Variants in GREB1L observed in about 807,000 individuals in gnomAD.
GREB1L encodes the protein GREB1 like retinoic acid receptor coactivator.
In GREB1L, 17 loss-of-function variants were observed where a neutral mutation model predicts 200.8. That is an observed-to-expected ratio of 0.08 (90% confidence interval 0.06 to 0.13). The LOEUF (loss-of-function observed/expected upper bound fraction) is 0.13. Ranked by LOEUF, GREB1L falls within the 10% of genes least tolerant of loss-of-function variation. GREB1L has a pLI of 1.00. For synonymous variants in GREB1L, 789 were observed against 893.0 expected (o/e 0.88, Z 2.08); for missense variants, 1,657 against 2,367.7 (o/e 0.70, Z 6.23).
At chr18:21,271,166 A>G (rs1306725032) in intron 1 of GREB1L, among the ~76,000 whole-genome samples, 1 of 152,248 alleles carries the variant, frequency 6.6e-6, no homozygotes, top group African/African-American at 2.4e-5. Flanking sequence ...AGTATATAAC[A>G]GACCTTTATA....
intron 1 of GREB1L, among the ~76,000 whole-genome samples, chr18:21,253,322 G>A (rs996260541): frequency 1.4e-5 from 2 of 146,232 alleles, no homozygotes; most frequent in Admixed American, 7.1e-5. Flanking sequence ...GCACGATCTC[G>A]GTTCACCGCA....
chr18:21,485,464 C>T (rs2036090386), intron 17 of GREB1L, 156 bp from the exon 18 acceptor site: 1 of 565,444 alleles, frequency 1.8e-6, no homozygotes, highest in Non-Finnish European at 3.0e-6. Flanking sequence ...GAGATGACTG[C>T]AGAGTTGGTG....
In GREB1L at chr18:21,520,701, A is replaced by G. The variant is rs769118539; in HGVS notation, c.5486A>G (p.Tyr1829Cys). The G allele has an allele frequency of 6.4e-6, 10 of 1,551,534 alleles. No individual in the cohort carries two copies. The highest frequency in any genetic ancestry group is 4.9e-5 in the East Asian group (2 of 40,932). The change falls in exon 32 of 33, where the codon TAT becomes TGT. Residue 1829 changes from tyrosine to cysteine, a missense_variant. Coordinates refer to ENST00000424526, the MANE Select transcript of GREB1L (RefSeq NM_001142966.3). ...TGATGATTTCAGGTGGCCATATGCT[A>G]TATCAGCTCCAGACCCCACTCCAGC... ...LNIGPEVAIC[Y>C]ISSRPHSSNV...
intron 2 of GREB1L, among the ~76,000 whole-genome samples, chr18:21,382,258 T>C (rs1202189469): frequency 6.6e-6 from 1 of 151,900 alleles, no homozygotes; most frequent in African/African-American, 2.4e-5. Flanking sequence ...GGAGAGTTGC[T>C]TGAACCTGGG....
intron 19 of GREB1L, among the ~76,000 whole-genome samples, chr18:21,494,789 T>G (rs2036482571): frequency 1.3e-5 from 2 of 152,224 alleles, no homozygotes; most frequent in South Asian, 4.1e-4. Context: ...CCACCTTATC[T>G]ACTTAAGAGA....
At chr18:21,483,361 A>C (rs1320080367) in intron 17 of GREB1L, among the ~76,000 whole-genome samples, 22 of 152,312 alleles carry the variant, frequency 1.4e-4, no homozygotes, top group Non-Finnish European at 1.5e-5. Context: ...ATAAGGAGGG[A>C]AACTTAGATG....
chr18:21,492,336 ACT>A (rs2145869980), intron 19 of GREB1L, among the ~76,000 whole-genome samples: 1 of 151,470 alleles, frequency 6.6e-6, no homozygotes, highest in South Asian at 2.1e-4. Context: ...ACAGAGCAAG[ACT>A]CTGTCTCAAA....
At position 21,381,765 on chromosome 18, in the gene GREB1L, T is replaced by C. The variant is rs1478414954; in HGVS notation, c.-9-1745T>C. ...AGCTGACCCATTTCTAGCCAGAGAT[T>C]CAAGGAAAAGTTTGCTGGGAAGAGG... On this transcript the variant is annotated intron_variant, in intron 2 of 32. Transcript: ENST00000424526. 3.3e-5 allele frequency among the ~76,000 whole-genome samples: 5 copies of C among 152,300 alleles called. No homozygotes were observed. The East Asian group carries it at 9.6e-4, about 29-fold the overall frequency.
chr18:21,442,683 C>T (rs1354276970), intron 10 of GREB1L, among the ~76,000 whole-genome samples: 1 of 151,848 alleles, frequency 6.6e-6, no homozygotes, highest in African/African-American at 2.4e-5. Flanking sequence ...TTTAGGAAGA[C>T]AACCTCACAA....
intron 2 of GREB1L, among the ~76,000 whole-genome samples, chr18:21,374,132 G>T (rs570541694): frequency 1.3e-5 from 2 of 152,182 alleles, no homozygotes; most frequent in East Asian, 3.9e-4. Flanking sequence ...CTCCTGAGTA[G>T]CTGGGACCGC....
chr18:21,347,615 C>T (rs1477636840), intron 1 of GREB1L, among the ~76,000 whole-genome samples: 2 of 150,464 alleles, frequency 1.3e-5, no homozygotes, highest in African/African-American at 4.9e-5. Context: ...GCCACCATGC[C>T]TGGTTAATTT....
intron 4 of GREB1L, among the ~76,000 whole-genome samples, chr18:21,393,028 T>C (rs1371145984): frequency 6.6e-6 from 1 of 152,176 alleles, no homozygotes; most frequent in East Asian, 1.9e-4. Context: ...CTCTTTGGCC[T>C]CCCAAAGTGC....
At chr18:21,420,042 C>T (rs1216453670) in intron 7 of GREB1L, among the ~76,000 whole-genome samples, 1 of 152,072 alleles carries the variant, frequency 6.6e-6, no homozygotes, top group African/African-American at 2.4e-5. Context: ...AATTGGACTT[C>T]ATTAAATTAA....
intron 1 of GREB1L, among the ~76,000 whole-genome samples, chr18:21,323,691 A>G (rs2038983280): frequency 6.6e-6 from 1 of 152,046 alleles, no homozygotes. Context: ...CTATGATACC[A>G]CCTATACATT....
chr18:21,367,480 G>A (rs1408333824), intron 2 of GREB1L, among the ~76,000 whole-genome samples: 4 of 152,134 alleles, frequency 2.6e-5, no homozygotes, highest in Non-Finnish European at 5.9e-5. Context: ...GAGGGAGGGT[G>A]GACGGGGAGA....
At chr18:21,469,714 A>G (rs2035406741) in intron 15 of GREB1L, among the ~76,000 whole-genome samples, 1 of 152,192 alleles carries the variant, frequency 6.6e-6, no homozygotes. Flanking sequence ...CTACCTATCT[A>G]TGTTTAAAAA....
In GREB1L at chr18:21,401,181, A is replaced by G. The variant is rs1367567823; in HGVS notation, c.564A>G (p.Glu188=). The G allele has an allele frequency of 6.4e-7, 1 of 1,551,660 alleles. No individual in the cohort carries two copies. Among genetic ancestry groups the G allele is most frequent in the East Asian group, 2.4e-5 (1 of 40,908 alleles). The change falls in exon 6 of 33, where the codon GAA becomes GAG. Residue 188 remains glutamate, a synonymous_variant. Coordinates refer to ENST00000424526, the MANE Select transcript of GREB1L (RefSeq NM_001142966.3). ...GFSGNCIGCG[E]RGFRYFTEFS... ...CTGGAAATTGTATCGGCTGTGGAGA[A>G]AGAGGATTTCGATATTTCACGGAAT...
At chr18:21,264,005 A>T (rs80234497) in intron 1 of GREB1L, among the ~76,000 whole-genome samples, 2,259 of 152,280 alleles carry the variant, frequency 0.015, 59 homozygotes, top group African/African-American at 0.051. Context: ...TTTACAGTTG[A>T]ATTGCCTTGT....
intron 1 of GREB1L, among the ~76,000 whole-genome samples, chr18:21,316,311 A>G (rs2038868049): frequency 6.6e-6 from 1 of 152,188 alleles, no homozygotes; most frequent in African/African-American, 2.4e-5. Context: ...AAAGTAGGGC[A>G]TGAGCAATTT....
Sources: gnomAD v4.1 joint callset for allele counts (sites outside exome capture counted in the v4.1 genomes callset) on GRCh38, gnomAD v4.1.1 for gene constraint, MANE v1.5 for transcripts, NCBI Gene and HGNC (gene_info 2026-07-23, HGNC 2026-07-21) for gene names.